Variants in HNF4A observed in about 807,000 individuals in gnomAD.
The protein encoded by HNF4A is hepatocyte nuclear factor 4 alpha, also known as hepatocyte nuclear factor 4-alpha.
In HNF4A, 15 loss-of-function variants were observed where a neutral mutation model predicts 52.4. The observed-to-expected ratio is 0.29, with a 90% confidence interval of 0.19 to 0.44. HNF4A has a LOEUF of 0.44. Ranked by LOEUF, HNF4A falls within the 20% of genes least tolerant of loss-of-function variation. HNF4A has a pLI of 1.00. For missense variants in HNF4A, 479 were observed against 647.2 expected (o/e 0.74, Z 2.82); for synonymous variants, 280 against 264.4 (o/e 1.06, Z -0.57).
At position 44,406,016 on chromosome 20, in the gene HNF4A, T is replaced by A. The variant is rs550311232; in HGVS notation, c.116-42T>A. The A allele has an allele frequency of 6.8e-4, 1,076 of 1,591,746 alleles. 15 individuals carry two copies. In the South Asian group the frequency reaches 0.011, roughly 17 times the overall value. On this transcript the variant is annotated intron_variant, in intron 1 of 9. Transcript: ENST00000316099. ...CAAGGCTCCCTTAGATGCCTGACAT[T>A]CTGTTCTTCCTGAAGCCTCACTCCC...
rs200708892 is a variant in HNF4A at position 44,370,028 on chromosome 20, G to T, written c.49+14175G>T. Among the ~76,000 whole-genome samples the T allele has an allele frequency of 3.7e-3, 553 of 150,960 alleles. 1 individual carries two copies. The highest frequency in any genetic ancestry group is 0.013 in the African/African-American group (521 of 41,154). On this transcript the variant is annotated intron_variant, in intron 1 of 9. Coordinates refer to the HNF4A transcript ENST00000316673. Reference sequence around the variant, plus strand: ...GCCACACTGGACTTTTGTTTTTTTTGTTTGTTTGTTTGTTTTGCGACGGAG... The same window carrying T: ...GCCACACTGGACTTTTGTTTTTTTTTTTTGTTTGTTTGTTTTGCGACGGAG...
At chr20:44,364,289 G>A (rs566047493) in intron 1 of HNF4A, among the ~76,000 whole-genome samples, 1 of 151,860 alleles carries the variant, frequency 6.6e-6, no homozygotes, top group Non-Finnish European at 1.5e-5. Context: ...CAATCCTCCC[G>A]CCTCAGCCTC....
At position 44,429,529 on chromosome 20, in the gene HNF4A, CT is replaced by C. The variant is rs2063851456; in HGVS notation, c.1290del (p.Glu431ArgfsTer88). The C allele has an allele frequency of 1.2e-6, 2 of 1,614,046 alleles. No homozygotes were observed. Among genetic ancestry groups the C allele is most frequent in the Non-Finnish European group, 1.7e-6 (2 of 1,180,040 alleles). ...TGTCTGTTTGTCCTTCCAGCCACCC[CT>C]GAGACCCCACAGCCCTCACCGCCAG... On this transcript the variant is annotated frameshift_variant, in exon 10 of 10. Transcript: ENST00000316099. LOFTEE classifies it high-confidence loss of function.
intron 7 of HNF4A, among the ~76,000 whole-genome samples, chr20:44,420,826 TAATA>T (rs934909065): frequency 3.3e-5 from 5 of 151,576 alleles, no homozygotes; most frequent in East Asian, 1.9e-4. Context: ...TAAAAAATAA[TAATA>T]AATAAATAAA....
At chr20:44,377,393 A>G (rs149082861) in intron 1 of HNF4A, among the ~76,000 whole-genome samples, 5 of 152,348 alleles carry the variant, frequency 3.3e-5, no homozygotes, top group Admixed American at 6.5e-5. Context: ...ATCATGCAAT[A>G]TACCTTTGTA....
chr20:44,391,182 C>T (rs2063297919), intron 1 of HNF4A, among the ~76,000 whole-genome samples: 1 of 152,162 alleles, frequency 6.6e-6, no homozygotes, highest in Admixed American at 6.5e-5. Context: ...ATCGGCCATG[C>T]TTCCCTCCCT....
chr20:44,368,160 A>ATATATATTTTTTTTTTT (rs1200638153), intron 1 of HNF4A, among the ~76,000 whole-genome samples: 14 of 27,780 alleles, frequency 5.0e-4, no homozygotes, highest in Admixed American at 8.5e-4. Flanking sequence ...ATATATATAT[A>ATATATATTTTTTTTTTT]TTTTTTTTTT....
chr20:44,403,426 G>A (rs1297352053), intron 1 of HNF4A, among the ~76,000 whole-genome samples: 2 of 152,238 alleles, frequency 1.3e-5, no homozygotes, highest in African/African-American at 4.8e-5. Context: ...CTTAGCCCTG[G>A]TAAAGGGCCT....
intron 1 of HNF4A, among the ~76,000 whole-genome samples, chr20:44,376,562 T>C (rs1468662872): frequency 6.6e-6 from 1 of 152,186 alleles, no homozygotes; most frequent in Non-Finnish European, 1.5e-5. Flanking sequence ...GGATGTTGTT[T>C]GTTTGTTTGT....
At chr20:44,419,603 T>C (rs2063715504) in intron 6 of HNF4A, 118 bp from the exon 7 acceptor site, 5 of 903,320 alleles carry the variant, frequency 5.5e-6, no homozygotes, top group Non-Finnish European at 9.1e-6. Flanking sequence ...GGAGTCACCA[T>C]CCCTGCAGGT....
In HNF4A at chr20:44,407,438, G is replaced by A. The variant is rs1463516865; in HGVS notation, c.348G>A (p.Arg116=). Residue 116 remains arginine, a synonymous_variant, in exon 3 of 10, where the codon AGG becomes AGA. Coordinates refer to ENST00000316099, the MANE Select transcript of HNF4A (RefSeq NM_000457.6). ...AGAGGAACCAGTGCCGCTACTGCAG[G>A]CTCAAGAAATGCTTCCGGGCTGGCA... 2.9e-5 allele frequency: 46 copies of A among 1,609,438 alleles called. No homozygotes were observed. The highest frequency in any genetic ancestry group is 3.7e-5 in the Non-Finnish European group (43 of 1,177,642).
At chr20:44,381,520 C>T (rs1044186799) in intron 1 of HNF4A, among the ~76,000 whole-genome samples, 4 of 152,124 alleles carry the variant, frequency 2.6e-5, no homozygotes, top group African/African-American at 9.7e-5. Flanking sequence ...CTGGCTTCAA[C>T]TGATCTGCCT....
intron 1 of HNF4A, among the ~76,000 whole-genome samples, chr20:44,368,559 G>C (rs2062997632): frequency 6.6e-6 from 1 of 152,024 alleles, no homozygotes; most frequent in East Asian, 1.9e-4. Flanking sequence ...TCTGAAAATG[G>C]GGTTAATAAT....
intron 1 of HNF4A, among the ~76,000 whole-genome samples, chr20:44,376,015 G>A (rs533442193): frequency 6.6e-6 from 1 of 152,292 alleles, no homozygotes; most frequent in South Asian, 2.1e-4. Context: ...GGGAGGTTGA[G>A]GCAGGCGGAT....
intron 1 of HNF4A, among the ~76,000 whole-genome samples, chr20:44,368,005 G>A (rs1044830646): frequency 3.4e-5 from 5 of 148,214 alleles, no homozygotes; most frequent in Non-Finnish European, 7.4e-5. Flanking sequence ...TCTCCTTCAC[G>A]CAGTTGTCCA....
intron 7 of HNF4A, among the ~76,000 whole-genome samples, chr20:44,422,743 C>T (rs1000515564): frequency 2.7e-5 from 4 of 149,908 alleles, no homozygotes; most frequent in African/African-American, 9.8e-5. Flanking sequence ...GCAGTGGCAC[C>T]GTCTTGGCTC....
intron 1 of HNF4A, among the ~76,000 whole-genome samples, chr20:44,386,927 CT>C (rs1428649101): frequency 6.6e-6 from 1 of 152,158 alleles, no homozygotes; most frequent in Non-Finnish European, 1.5e-5. Flanking sequence ...GCACCGAGCA[CT>C]TGAAGTTTAC....
At chr20:44,409,894 A>T (rs1265705098) in intron 3 of HNF4A, among the ~76,000 whole-genome samples, 1 of 150,324 alleles carries the variant, frequency 6.7e-6, no homozygotes, top group East Asian at 2.0e-4. Flanking sequence ...CTGGAGTGCA[A>T]TGGCAGTATC....
rs552385708 is a variant in HNF4A, at chr20:44,411,468, C to T, written c.386-2226C>T. 4.7e-4 allele frequency among the ~76,000 whole-genome samples: 69 copies of T among 147,974 alleles called. 1 individual carries two copies. The South Asian group carries it at 7.7e-3, about 17-fold the overall frequency. On this transcript the variant is annotated intron_variant, in intron 3 of 9. Coordinates refer to ENST00000316099, the MANE Select transcript of HNF4A (RefSeq NM_000457.6). ...ACAGCAGCCCTTTCATTCCGCCCGC[C>T]GGCCACTCGGCGCCCTGATGGGTGG... is the stretch of plus-strand genomic sequence containing the variant.
Sources: allele counts gnomAD v4.1 joint callset (sites outside exome capture counted in the v4.1 genomes callset), GRCh38; gene constraint gnomAD v4.1.1; transcripts MANE v1.5; gene names NCBI Gene and HGNC (gene_info 2026-07-23, HGNC 2026-07-21).